MCTP1: variants seen among roughly 807,000 people sequenced by gnomAD.
MCTP1 encodes multiple C2 and transmembrane domain-containing protein 1.
A neutral mutation model predicts 120.6 loss-of-function variants in MCTP1; 69 were observed. That is an observed-to-expected ratio of 0.57 (90% CI 0.47 to 0.70). The LOEUF is 0.70. MCTP1 is among the 30% of genes least tolerant of loss of function. The pLI is 0.00. For missense variants in MCTP1, 1,203 were observed against 1,248.8 expected, an observed-to-expected ratio of 0.96 and a Z score of 0.55; for synonymous variants, 529 against 493.1, an observed-to-expected ratio of 1.07 and a Z score of -0.96.
At chr5:95,160,572 A>G (rs1745611742) in intron 1 of MCTP1, among the ~76,000 whole-genome samples, 1 of 152,190 alleles carries the variant, frequency 6.6e-6, no homozygotes, top group Non-Finnish European at 1.5e-5. Context: ...TATAACCCCA[A>G]AAGTACAGCA....
intron 19 of MCTP1, among the ~76,000 whole-genome samples, chr5:94,765,225 C>T (rs1772316769): frequency 1.3e-5 from 2 of 151,984 alleles, no homozygotes; most frequent in African/African-American, 4.8e-5. Context: ...CATGCCAAAA[C>T]CTATGGAATA....
At chr5:94,738,822 C>T (rs1482843734) in intron 19 of MCTP1, among the ~76,000 whole-genome samples, 1 of 152,124 alleles carries the variant, frequency 6.6e-6, no homozygotes, top group Non-Finnish European at 1.5e-5. Flanking sequence ...TCCACTGTAC[C>T]GAGCTCAGTA....
intron 17 of MCTP1, among the ~76,000 whole-genome samples, chr5:94,859,406 AG>A (rs1795317510): frequency 6.6e-6 from 1 of 151,712 alleles, no homozygotes; most frequent in African/African-American, 2.4e-5. Context: ...GACTATAATT[AG>A]CAACAACTTA....
chr5:95,017,462 G>T lies in MCTP1; in HGVS notation c.743C>A (p.Thr248Asn), dbSNP rs1244413462. Reference sequence around the variant, plus strand: ...AGCCAAGGGGACTTCTGCATTACTGGTTCCAGCAGTGTTTATTATTTTCTG... The same window carrying T: ...AGCCAAGGGGACTTCTGCATTACTGTTTCCAGCAGTGTTTATTATTTTCTG... ...SSQKIINTAG[T>N]SNAEVPLADP... is the part of the protein sequence containing the mutation. The change falls in exon 2 of 23, where the codon ACC becomes AAC. Residue 248 changes from threonine (T) to asparagine (N), a missense_variant. Coordinates refer to ENST00000515393, the MANE Select transcript of MCTP1 (RefSeq NM_024717.7). 6 of 1,601,808 alleles carry T rather than the reference G, an allele frequency of 3.7e-6. No individual in the cohort carries two copies. The highest frequency in any genetic ancestry group is 5.1e-6 in the Non-Finnish European group (6 of 1,173,260).
intron 1 of MCTP1, among the ~76,000 whole-genome samples, chr5:95,260,369 C>A (rs1758362082): frequency 6.6e-6 from 1 of 152,100 alleles, no homozygotes; most frequent in South Asian, 2.1e-4. Context: ...AACAAGTTGA[C>A]CTTTTTGTGT....
chr5:95,041,128 C>T (rs1211617643), intron 1 of MCTP1, among the ~76,000 whole-genome samples: 1 of 151,716 alleles, frequency 6.6e-6, no homozygotes, highest in Non-Finnish European at 1.5e-5. Context: ...ATAGCTAACA[C>T]TGATGGAACA....
chr5:95,278,617 T>C (rs1197366637), intron 1 of MCTP1, among the ~76,000 whole-genome samples: 1 of 152,182 alleles, frequency 6.6e-6, no homozygotes, highest in Non-Finnish European at 1.5e-5. Context: ...TGATTTTTAG[T>C]AAGTTTTCCG....
chr5:94,869,858 T>C (rs528600126), intron 16 of MCTP1, among the ~76,000 whole-genome samples: 2 of 152,138 alleles, frequency 1.3e-5, no homozygotes, highest in African/African-American at 4.8e-5. Context: ...TCATATTTCC[T>C]GATTCTAACT....
chr5:95,015,166 T>C (rs1836852707), intron 2 of MCTP1, among the ~76,000 whole-genome samples: 1 of 152,066 alleles, frequency 6.6e-6, no homozygotes, highest in Non-Finnish European at 1.5e-5. Flanking sequence ...ATACAAAAAT[T>C]TGTGTGACTT....
chr5:94,782,608 C>A (rs1162124998), intron 18 of MCTP1, among the ~76,000 whole-genome samples: 1 of 152,082 alleles, frequency 6.6e-6, no homozygotes, highest in African/African-American at 2.4e-5. Context: ...AAATCAAATA[C>A]CACCGCTATT....
chr5:95,077,900 A>C (rs1334076215), intron 1 of MCTP1, among the ~76,000 whole-genome samples: 2 of 152,204 alleles, frequency 1.3e-5, no homozygotes, highest in Non-Finnish European at 2.9e-5. Flanking sequence ...TGAATTTAGG[A>C]AAACTCTTTC....
intron 1 of MCTP1, among the ~76,000 whole-genome samples, chr5:95,114,098 A>G (rs1757647024): frequency 6.6e-6 from 1 of 152,162 alleles, no homozygotes; most frequent in Admixed American, 6.5e-5. Context: ...ATCAACTGCT[A>G]AATAAAGAGC....
chr5:95,044,469 T>C (rs904189819), intron 1 of MCTP1, among the ~76,000 whole-genome samples: 10 of 152,180 alleles, frequency 6.6e-5, no homozygotes, highest in African/African-American at 2.4e-4. Context: ...TTAGCCCCTG[T>C]AGATCAATTG....
At chr5:95,155,706 A>T (rs1178828816) in intron 1 of MCTP1, among the ~76,000 whole-genome samples, 3 of 152,166 alleles carry the variant, frequency 2.0e-5, no homozygotes, top group African/African-American at 7.2e-5. Flanking sequence ...ATGGAAGGAG[A>T]CCTGAACTGC....
At chr5:95,266,021 C>A (rs988492061) in intron 1 of MCTP1, among the ~76,000 whole-genome samples, 2 of 152,142 alleles carry the variant, frequency 1.3e-5, no homozygotes, top group Admixed American at 1.3e-4. Flanking sequence ...GGAAACAGAA[C>A]CCCATATTAG....
intron 1 of MCTP1, among the ~76,000 whole-genome samples, chr5:95,233,137 T>C (rs1562262177): frequency 6.6e-6 from 1 of 152,196 alleles, no homozygotes; most frequent in Non-Finnish European, 1.5e-5. Flanking sequence ...TATCCAACAC[T>C]TCTTTTCAAG....
rs189502278 is a variant in MCTP1, at chr5:94,918,916, T to C, written c.1273-943A>G. Among the ~76,000 whole-genome samples the C allele has an allele frequency of 6.3e-3, 961 of 152,292 alleles. 10 individuals are homozygous for C. Among genetic ancestry groups the C allele is most frequent in the African/African-American group, 0.022 (904 of 41,562 alleles). ...GATAAGTACCCCACTCAAAGCCAAA[T>C]GACTAGAGATTGGCAAGGCTGAGAT... is the stretch of plus-strand genomic sequence containing the variant. On this transcript the variant is annotated intron_variant, in intron 7 of 22. Transcript: ENST00000515393.
At chr5:94,868,042 T>C (rs774975084) in intron 17 of MCTP1, 1 of 213,150 alleles carries the variant, frequency 4.7e-6, no homozygotes. Flanking sequence ...CCTATTGGGG[T>C]TTGGAATTAT....
chr5:94,796,383 C>T (rs372136724), intron 18 of MCTP1, among the ~76,000 whole-genome samples: 1 of 151,696 alleles, frequency 6.6e-6, no homozygotes, highest in South Asian at 2.1e-4. Flanking sequence ...GATTAATGCA[C>T]CTCGGAGATC....
Sources: gnomAD v4.1 joint callset for allele counts (sites outside exome capture counted in the v4.1 genomes callset) on GRCh38, gnomAD v4.1.1 for gene constraint, MANE v1.5 for transcripts, NCBI Gene and HGNC (gene_info 2026-07-23, HGNC 2026-07-21) for gene names.